TRPM4: variants seen among roughly 807,000 people sequenced by gnomAD.
The protein encoded by TRPM4 is calcium-activated non-selective cation channel 1.
Under a neutral mutation model 135.6 loss-of-function variants are expected in TRPM4, and 124 were observed. The ratio of observed to expected loss-of-function variants is 0.91; its 90% CI spans 0.79 to 1.06. TRPM4 has a LOEUF of 1.06. Ranked by LOEUF, TRPM4 falls within the 50% of genes least tolerant of loss-of-function variation. TRPM4 has a pLI of 0.00. For missense variants in TRPM4, 1,658 were observed against 1,671.4 expected (o/e 0.99, Z 0.14); for synonymous variants, 745 against 705.6 (o/e 1.06, Z -0.88).
intron 9 of TRPM4, among the ~76,000 whole-genome samples, chr19:49,180,392 T>C (rs969759251): frequency 2.0e-5 from 3 of 151,228 alleles, no homozygotes; most frequent in Non-Finnish European, 4.4e-5. Flanking sequence ...ACCCCAAGTT[T>C]CAGAAATCAG....
At chr19:49,182,057 TATCCATCCATCC>T (rs753427789) in intron 10 of TRPM4, among the ~76,000 whole-genome samples, 20 of 130,418 alleles carry the variant, frequency 1.5e-4, no homozygotes, top group Non-Finnish European at 2.4e-4. Context: ...TCCATCCATT[TATCCATCCATCC>T]ATCCATCCAT....
chr19:49,171,565 C>T lies in TRPM4; in HGVS notation c.859-13C>T. 3 of 1,613,934 alleles carry T rather than the reference C, an allele frequency of 1.9e-6. No homozygotes were observed. The Admixed American group carries it at 5.0e-5, about 27-fold the overall frequency. ...TTCTGACGTGATGAATAAAGAATGCCTTTATCCTGTAGCGAATAGAGAACG... is the reference window on the plus strand; with the variant it reads ...TTCTGACGTGATGAATAAAGAATGCTTTTATCCTGTAGCGAATAGAGAACG... On this transcript the variant is annotated splice_polypyrimidine_tract_variant and intron_variant, in intron 7 of 24. Coordinates refer to ENST00000252826, the MANE Select transcript of TRPM4 (RefSeq NM_017636.4). The surrounding 1 kb of genome is among the most constrained non-coding windows in gnomAD (Gnocchi z 4.7).
rs953402353 is a variant in TRPM4, at chr19:49,210,912, G to A, written c.3461+70G>A. ...GGATCCTGACTTCAGCTGAAGGCAG[G>A]GTCCTGGGAGGGAGGGAGAGAGGGA... is the stretch of plus-strand genomic sequence containing the variant. On this transcript the variant is annotated intron_variant, in intron 22 of 24. Coordinates refer to ENST00000252826, the MANE Select transcript of TRPM4 (RefSeq NM_017636.4). This position sits in a 1 kb window ranked among gnomAD's most constrained non-coding sequence, Gnocchi z 4.1. 2.5e-5 allele frequency: 39 copies of A among 1,589,324 alleles called. No individual in the cohort carries two copies. In the Admixed American group the frequency reaches 4.5e-4, roughly 19 times the overall value.
intron 2 of TRPM4, among the ~76,000 whole-genome samples, chr19:49,165,726 A>G (rs1967144247): frequency 6.6e-6 from 1 of 152,144 alleles, no homozygotes; most frequent in Non-Finnish European, 1.5e-5. Flanking sequence ...GGATGGGGGC[A>G]CAGGGCACAG....
At position 49,172,042 on chromosome 19, in the gene TRPM4, A is replaced by G; in HGVS notation, c.1084A>G (p.Thr362Ala). ...ERIMTRKELL[T>A]VYSSEDGSEE... Reference sequence around the variant, plus strand: ...GATTATGACCCGGAAGGAGCTCCTGACAGTCTATTCTTCTGAGGATGGGTC... The same window carrying G: ...GATTATGACCCGGAAGGAGCTCCTGGCAGTCTATTCTTCTGAGGATGGGTC... Residue 362 changes from threonine to alanine, a missense_variant, in exon 9 of 25, where the codon ACA becomes GCA. By Grantham distance (58) the Thr-to-Ala change is moderately conservative (BLOSUM62 0). Transcript: ENST00000252826. The G allele has an allele frequency of 6.2e-7, 1 of 1,614,056 alleles. No individual in the cohort carries two copies. The highest frequency in any genetic ancestry group is 1.7e-4 in the Middle Eastern group (1 of 6,052).
Position 49,200,307 on chromosome 19 carries a change from C to T in TRPM4, c.2653C>T (p.Pro885Ser), listed in dbSNP as rs1297134990. ...CATCTCCCCACACCCCAGGCTGACC[C>T]CGGGTTTGTACCACCTGGGCCGCAC... ...FLLGVGCRLT[P>S]GLYHLGRTVL... is the part of the protein sequence containing the mutation. The change falls in exon 18 of 25, where the codon CCG (proline) becomes TCG (serine). Residue 885 changes from proline to serine, a missense_variant. Pro to Ser is a moderately conservative substitution (Grantham distance 74). Transcript: ENST00000252826. The T allele has an allele frequency of 3.1e-6, 5 of 1,613,966 alleles. No individual in the cohort carries two copies. The highest frequency in any genetic ancestry group is 4.2e-6 in the Non-Finnish European group (5 of 1,180,030).
Position 49,211,829 on chromosome 19 carries a change from C to T in TRPM4, c.*331C>T. On this transcript the variant is annotated 3_prime_UTR_variant, in exon 25 of 25. Coordinates refer to ENST00000252826, the MANE Select transcript of TRPM4 (RefSeq NM_017636.4). The surrounding 1 kb of genome is among the most constrained non-coding windows in gnomAD (Gnocchi z 4.8). The stretch of plus-strand genomic sequence containing the variant: ...TCACACTGGGGAAATAAAGCCATTT[C>T]AGAGGAATCGTGTCCGGAGGCTTGA... 1 of 441,008 alleles carries T rather than the reference C, an allele frequency of 2.3e-6. No homozygotes were observed. The allele number at this position is 441,008 out of a possible 1,614,324, so 27.3% of individuals were successfully genotyped here. A position where few individuals can be genotyped will look rare whatever the true frequency, so the allele number is the denominator to read the frequency against.
chr19:49,171,470 G>C lies in TRPM4; in HGVS notation c.858+52G>C, dbSNP rs1192974001. 6.2e-7 allele frequency: 1 copy of C among 1,612,240 alleles called. No homozygotes were observed. The highest frequency in any genetic ancestry group is 1.7e-5 in the Admixed American group (1 of 59,946). On this transcript the variant is annotated intron_variant, in intron 7 of 24. Transcript: ENST00000252826. This position sits in a 1 kb window ranked among gnomAD's most constrained non-coding sequence, Gnocchi z 4.7. Reference sequence around the variant, plus strand: ...AAGGGGGAAGGAGGGTTGGGGGCCAGGACTCCTGGGTCCTGAGTCTTAGGG... The same window carrying C: ...AAGGGGGAAGGAGGGTTGGGGGCCACGACTCCTGGGTCCTGAGTCTTAGGG...
chr19:49,190,708 G>C lies in TRPM4; in HGVS notation c.2145G>C (p.Glu715Asp). ...CCCCCCTTGCTAGGAAATCAGAAGA[G>C]GAGCCCACACGGGAGGAGCTAGAGT... ...TRLITFRKSE[E>D]EPTREELEFD... The change falls in exon 16 of 25, where the codon GAG becomes GAC. Residue 715 changes from glutamate to aspartate, a missense_variant. By Grantham distance (45) the Glu-to-Asp change is conservative. Around this residue, in one of 3 missense-constraint regions of TRPM4, gnomAD observed 1,412 missense variants for 1,408.7 expected, o/e 1.00. Coordinates refer to ENST00000252826, the MANE Select transcript of TRPM4 (RefSeq NM_017636.4). 6.2e-7 allele frequency: 1 copy of C among 1,614,158 alleles called. No individual in the cohort carries two copies. Among genetic ancestry groups the C allele is most frequent in the Middle Eastern group, 1.6e-4 (1 of 6,062 alleles).
intron 20 of TRPM4, among the ~76,000 whole-genome samples, chr19:49,209,581 G>A (rs1969272581): frequency 6.6e-6 from 1 of 151,672 alleles, no homozygotes; most frequent in Non-Finnish European, 1.5e-5. Flanking sequence ...TTTTATTTCG[G>A]TAAGGTCAGT....
chr19:49,200,367 C>A lies in TRPM4; in HGVS notation c.2713C>A (p.Arg905=). ...LCIDFMVFTV[R]LLHIFTVNKQ... is the part of the protein sequence containing the mutation. ...CATCGACTTCATGGTTTTCACGGTG[C>A]GGCTGCTTCACATCTTCACGGTCAA... The change falls in exon 18 of 25, where the codon CGG becomes AGG. Residue 905 remains arginine, a synonymous_variant. Transcript: ENST00000252826. 6.2e-7 allele frequency: 1 copy of A among 1,612,976 alleles called. No individual in the cohort carries two copies. Among genetic ancestry groups the A allele is most frequent in the South Asian group, 1.1e-5 (1 of 91,030 alleles).
intron 17 of TRPM4, 56 bp downstream of exon 17, chr19:49,196,930 CCCACTCCCGGGGTCT>C (rs1390514675): frequency 8.6e-6 from 13 of 1,505,750 alleles, no homozygotes; most frequent in African/African-American, 1.4e-5. Context: ...ATCCTTCCTG[CCCACTCCCGGGGTCT>C]CCACTCCCGG....
intron 16 of TRPM4, among the ~76,000 whole-genome samples, chr19:49,193,144 G>T (rs1446013173): frequency 6.9e-6 from 1 of 145,620 alleles, no homozygotes; most frequent in African/African-American, 2.6e-5. Context: ...GCAGTGGCAT[G>T]ATCTCGGCTC....
Position 49,210,229 on chromosome 19 carries a change from A to G in TRPM4, c.3152A>G (p.Gln1051Arg), listed in dbSNP as rs1484894369. ...AMFSYTFGKV[Q>R]GNSDLYWKAQ... is the part of the protein sequence containing the mutation. ...TGCAGTTACACATTCGGCAAAGTACAGGGCAACAGCGATCTCTACTGGAAG... is the reference window on the plus strand; with the variant it reads ...TGCAGTTACACATTCGGCAAAGTACGGGGCAACAGCGATCTCTACTGGAAG... The change falls in exon 21 of 25, where the codon CAG (glutamine) becomes CGG (arginine). Residue 1051 changes from glutamine to arginine, a missense_variant. Gln to Arg is a conservative substitution (Grantham distance 43). Coordinates refer to ENST00000252826, the MANE Select transcript of TRPM4 (RefSeq NM_017636.4). The surrounding 1 kb of genome is among the most constrained non-coding windows in gnomAD (Gnocchi z 4.1). 6.8e-6 allele frequency: 11 copies of G among 1,614,240 alleles called. No homozygotes were observed. The highest frequency in any genetic ancestry group is 1.7e-5 in the Admixed American group (1 of 60,026).
intron 16 of TRPM4, 78 bp from the exon 17 acceptor site, chr19:49,196,362 A>G (rs1968632946): frequency 7.3e-7 from 1 of 1,368,252 alleles, no homozygotes; most frequent in Non-Finnish European, 9.7e-7. Context: ...GTGCCAAGCC[A>G]AAAGTCTCGA....
At position 49,190,207 on chromosome 19, in the gene TRPM4, G is replaced by C; in HGVS notation, c.2020-1G>C. ...ATCCTAATCCTTCCCACCCCCCACA[G>C]TCTCTGCTGACACAGAAGTGGTGGG... On this transcript the variant is annotated splice_acceptor_variant, in intron 14 of 24. Transcript: ENST00000252826. LOFTEE classifies it high-confidence loss of function. The C allele has an allele frequency of 6.2e-7, 1 of 1,613,202 alleles. No individual in the cohort carries two copies.
chr19:49,199,354 G>C (rs1025569746), intron 17 of TRPM4, among the ~76,000 whole-genome samples: 1 of 152,132 alleles, frequency 6.6e-6, no homozygotes, highest in South Asian at 2.1e-4. Flanking sequence ...CGCCTCCCGG[G>C]TTCACGCCAT....
chr19:49,193,244 C>G (rs1968481850), intron 16 of TRPM4, among the ~76,000 whole-genome samples: 1 of 151,992 alleles, frequency 6.6e-6, no homozygotes, highest in African/African-American at 2.4e-5. Flanking sequence ...CCACGCCCGG[C>G]TAATTTTTTT....
At chr19:49,181,978 G>A (rs1967946208) in intron 10 of TRPM4, among the ~76,000 whole-genome samples, 2 of 148,696 alleles carry the variant, frequency 1.3e-5, no homozygotes, top group South Asian at 4.3e-4. Context: ...CATCCACCCT[G>A]TACCTCCATC....
Sources: allele counts gnomAD v4.1 joint callset (sites outside exome capture counted in the v4.1 genomes callset), GRCh38; gene constraint gnomAD v4.1.1; regional missense constraint gnomAD v4.1.1; non-coding constraint Gnocchi (gnomAD v3.1); transcripts MANE v1.5; gene names NCBI Gene and HGNC (gene_info 2026-07-23, HGNC 2026-07-21).